The following MALRD1 variants were observed in gnomAD, a reference collection of about 807,000 sequenced individuals.
MALRD1 encodes MAM and LDL receptor class A domain containing 1.
In MALRD1, 247 loss-of-function variants were observed where a neutral mutation model predicts 242.1. The observed-to-expected ratio is 1.02, with a 90% confidence interval of 0.92 to 1.13. The LOEUF (loss-of-function observed/expected upper bound fraction) is 1.13, where lower values mean the gene tolerates loss of function less well. MALRD1 is among the 50% of genes most tolerant of loss of function. The pLI, the probability that MALRD1 is intolerant of heterozygous loss-of-function variation, is 0.00. For missense variants in MALRD1, 2,989 were observed against 2,533.1 expected, an observed-to-expected ratio of 1.18 and a Z score of -3.86; for synonymous variants, 995 against 866.6, an observed-to-expected ratio of 1.15 and a Z score of -2.60.
rs927090645 is a variant in MALRD1, at chr10:19,400,177, T to A, written c.4845+10568T>A. Among the ~76,000 whole-genome samples the A allele has an allele frequency of 2.6e-5, 4 of 152,310 alleles. No homozygotes were observed. The South Asian group carries it at 8.3e-4, about 32-fold the overall frequency. On this transcript the variant is annotated intron_variant, in intron 28 of 39. Transcript: ENST00000454679. ...TAACTGCTGGCAAAAAGCAACGGTA[T>A]GGCATGGATTCTTTCTATCAGAAGT...
chr10:19,544,593 A>G (rs572188575), intron 32 of MALRD1, among the ~76,000 whole-genome samples: 3 of 151,792 alleles, frequency 2.0e-5, no homozygotes, highest in Admixed American at 2.0e-4. Context: ...AAGTGGACGA[A>G]TTTTTATTGT....
intron 36 of MALRD1, among the ~76,000 whole-genome samples, chr10:19,639,942 G>A: frequency 6.6e-6 from 1 of 152,190 alleles, no homozygotes; most frequent in East Asian, 1.9e-4. Flanking sequence ...GGAGATGGAG[G>A]TTAAGTCCAC....
At chr10:19,292,466 A>G (rs1437998355) in intron 21 of MALRD1, among the ~76,000 whole-genome samples, 1 of 152,116 alleles carries the variant, frequency 6.6e-6, no homozygotes, top group Admixed American at 6.6e-5. Flanking sequence ...AAGTACCCAG[A>G]TTTAAAAAAA....
intron 29 of MALRD1, among the ~76,000 whole-genome samples, chr10:19,469,448 A>T (rs10740902): frequency 0.81 from 123,598 of 151,842 alleles, 50,491 homozygotes; most frequent in East Asian, 1. Flanking sequence ...ATAGTCACAC[A>T]ACAAAATTGT....
chr10:19,667,855 A>G (rs1209218972), intron 36 of MALRD1, among the ~76,000 whole-genome samples: 1 of 152,162 alleles, frequency 6.6e-6, no homozygotes, highest in Admixed American at 6.5e-5. Flanking sequence ...GGGGTAACTT[A>G]TAAACAACAC....
intron 10 of MALRD1, among the ~76,000 whole-genome samples, chr10:19,144,706 C>T (rs1588610373): frequency 1.3e-5 from 2 of 152,280 alleles, no homozygotes; most frequent in Admixed American, 1.3e-4. Flanking sequence ...GGAATATGAG[C>T]TTTTGGTGTC....
chr10:19,166,261 A>G (rs1280777625), intron 13 of MALRD1, among the ~76,000 whole-genome samples: 2 of 152,288 alleles, frequency 1.3e-5, no homozygotes, highest in Admixed American at 6.5e-5. Flanking sequence ...CTGCCTGGTA[A>G]CATTGAGAAT....
At chr10:19,101,390 T>C (rs1198967681) in intron 4 of MALRD1, among the ~76,000 whole-genome samples, 1 of 143,490 alleles carries the variant, frequency 7.0e-6, no homozygotes, top group Non-Finnish European at 1.5e-5. Flanking sequence ...CTTGGGTATG[T>C]ATATTGTATT....
chr10:19,245,532 A>G (rs1442061537), intron 18 of MALRD1, among the ~76,000 whole-genome samples: 1 of 152,194 alleles, frequency 6.6e-6, no homozygotes, highest in African/African-American at 2.4e-5. Flanking sequence ...AGTAATTTAT[A>G]TTCCTAGGAC....
At chr10:19,267,111 T>G (rs1840004507) in intron 19 of MALRD1, among the ~76,000 whole-genome samples, 1 of 151,998 alleles carries the variant, frequency 6.6e-6, no homozygotes, top group Admixed American at 6.5e-5. Flanking sequence ...TTTAGAAAAA[T>G]AAAACACTGA....
chr10:19,212,002 A>G (rs1837093036), intron 18 of MALRD1, among the ~76,000 whole-genome samples: 2 of 152,210 alleles, frequency 1.3e-5, no homozygotes, highest in Admixed American at 6.5e-5. Flanking sequence ...TTACTTGTTA[A>G]TGTCAGTTGA....
chr10:19,521,264 T>A (rs995903481), intron 31 of MALRD1, among the ~76,000 whole-genome samples: 10 of 152,158 alleles, frequency 6.6e-5, no homozygotes, highest in Non-Finnish European at 1.3e-4. Flanking sequence ...AATGAACTAC[T>A]TAACCATTTC....
At chr10:19,597,287 G>A (rs1564471800) in intron 34 of MALRD1, among the ~76,000 whole-genome samples, 1 of 152,172 alleles carries the variant, frequency 6.6e-6, no homozygotes, top group African/African-American at 2.4e-5. Flanking sequence ...GTTCAATATA[G>A]CCATATGATA....
chr10:19,588,329 A>T (rs1265782682), intron 33 of MALRD1, among the ~76,000 whole-genome samples: 1 of 152,206 alleles, frequency 6.6e-6, no homozygotes, highest in African/African-American at 2.4e-5. Context: ...TTTATTATTC[A>T]TCAATGTCAG....
In MALRD1 at chr10:19,218,893, A is replaced by C. The variant is rs76198401; in HGVS notation, c.2991+9213A>C. ...TATCTTAATTATTTTGATCAGATTC[A>C]TTATATAGCAGCTTGAAGGCTAATA... On this transcript the variant is annotated intron_variant, in intron 18 of 39. Coordinates refer to ENST00000454679, the MANE Select transcript of MALRD1 (RefSeq NM_001142308.3). Among the ~76,000 whole-genome samples, 2,345 of 152,254 alleles carry C rather than the reference A, an allele frequency of 0.015. 102 individuals are homozygous for C. In the East Asian group the frequency reaches 0.18, roughly 12 times the overall value.
chr10:19,191,043 G>T lies in MALRD1; in HGVS notation c.1952-12685G>T, dbSNP rs193289795. Among the ~76,000 whole-genome samples, 74 of 152,202 alleles carry T rather than the reference G, an allele frequency of 4.9e-4. 1 individual carries two copies. In the South Asian group the frequency reaches 0.011, roughly 23 times the overall value. On this transcript the variant is annotated intron_variant, in intron 14 of 39. Coordinates refer to ENST00000454679, the MANE Select transcript of MALRD1 (RefSeq NM_001142308.3). ...ACCCCAAGAAGGGGAGAAACTTTTTGCAAATTGTATATCTGATAAGGGATT... is the reference window on the plus strand; with the variant it reads ...ACCCCAAGAAGGGGAGAAACTTTTTTCAAATTGTATATCTGATAAGGGATT...
intron 4 of MALRD1, among the ~76,000 whole-genome samples, chr10:19,095,080 TA>T (rs1197449479): frequency 6.6e-6 from 1 of 152,220 alleles, no homozygotes; most frequent in African/African-American, 2.4e-5. Flanking sequence ...AATAATTTCA[TA>T]AATTTGATAT....
intron 31 of MALRD1, among the ~76,000 whole-genome samples, chr10:19,499,223 A>T (rs1837856253): frequency 6.6e-6 from 1 of 152,188 alleles, no homozygotes; most frequent in Non-Finnish European, 1.5e-5. Context: ...GTAAGCTTGT[A>T]ATCTTATTTA....
chr10:19,558,811 G>A (rs1392086237), intron 32 of MALRD1, among the ~76,000 whole-genome samples: 1 of 151,984 alleles, frequency 6.6e-6, no homozygotes, highest in East Asian at 1.9e-4. Context: ...GTTTTTTCTT[G>A]TGTAAATTTC....
Sources: gnomAD v4.1 joint callset for allele counts (sites outside exome capture counted in the v4.1 genomes callset) on GRCh38, gnomAD v4.1.1 for gene constraint, MANE v1.5 for transcripts, NCBI Gene and HGNC (gene_info 2026-07-23, HGNC 2026-07-21) for gene names.